Variants in IGF1 observed in about 807,000 individuals in gnomAD.
IGF1 encodes insulin like growth factor 1, also known as insulin-like growth factor 1.
Under a neutral mutation model 13.8 loss-of-function variants are expected in IGF1, and 4 were observed. The ratio of observed to expected loss-of-function variants is 0.29; its 90% CI spans 0.14 to 0.66. The LOEUF (loss-of-function observed/expected upper bound fraction) is 0.66, where lower values mean the gene tolerates loss of function less well. Ranked by LOEUF, IGF1 falls within the 30% of genes least tolerant of loss-of-function variation. IGF1 has a pLI of 0.78. For missense variants in IGF1, 124 were observed against 188.5 expected (o/e 0.66, Z 2.00); for synonymous variants, 76 against 72.6 (o/e 1.05, Z -0.23).
chr12:102,456,506 A>C (rs1879415691), intron 2 of IGF1, among the ~76,000 whole-genome samples: 1 of 152,066 alleles, frequency 6.6e-6, no homozygotes, highest in Non-Finnish European at 1.5e-5. Flanking sequence ...TTCTAATCAA[A>C]AGGGAACAAA....
chr12:102,478,402 G>T, intron 1 of IGF1: 7 of 810,698 alleles, frequency 8.6e-6, no homozygotes, highest in Middle Eastern at 2.4e-4. Flanking sequence ...TTAGATAAAT[G>T]GAATATTAAT....
intron 1 of IGF1, among the ~76,000 whole-genome samples, chr12:102,479,482 C>A (rs919481400): frequency 6.6e-6 from 1 of 152,036 alleles, no homozygotes; most frequent in African/African-American, 2.4e-5. Context: ...CAATCGGAAA[C>A]GAGAAGTCGG....
At chr12:102,439,863 GGACTAGACAA>G (rs1338912979) in intron 2 of IGF1, among the ~76,000 whole-genome samples, 1 of 152,180 alleles carries the variant, frequency 6.6e-6, no homozygotes, top group Non-Finnish European at 1.5e-5. Flanking sequence ...TCTCTTCTGA[GGACTAGACAA>G]GGGTAAACAG....
chr12:102,450,080 A>T (rs959097779), intron 2 of IGF1, among the ~76,000 whole-genome samples: 1 of 152,220 alleles, frequency 6.6e-6, no homozygotes. Flanking sequence ...GAGAAAATCC[A>T]TCCTGAGTAT....
At chr12:102,403,957 CATTAT>C (rs1450145454) in intron 3 of IGF1, among the ~76,000 whole-genome samples, 4 of 152,104 alleles carry the variant, frequency 2.6e-5, no homozygotes, top group Admixed American at 6.5e-5. Context: ...AGAACTAAGT[CATTAT>C]ATTATAATAC....
chr12:102,425,428 C>T (rs1468718951), intron 2 of IGF1, among the ~76,000 whole-genome samples: 15 of 152,282 alleles, frequency 9.9e-5, no homozygotes, highest in South Asian at 2.1e-4. Context: ...TGGCCCTCTA[C>T]GACCTGCCCC....
intron 2 of IGF1, among the ~76,000 whole-genome samples, chr12:102,471,776 C>A (rs903598232): frequency 6.6e-6 from 1 of 151,988 alleles, no homozygotes; most frequent in Non-Finnish European, 1.5e-5. Context: ...TTAAAAAGAC[C>A]CCAGAAACTC....
At chr12:102,464,445 T>A (rs1192249447) in intron 2 of IGF1, among the ~76,000 whole-genome samples, 2 of 148,178 alleles carry the variant, frequency 1.3e-5, no homozygotes, top group Admixed American at 6.8e-5. Context: ...TCAAGAAATT[T>A]TATTAAGTGC....
intron 3 of IGF1, among the ~76,000 whole-genome samples, chr12:102,403,472 T>A (rs1458483876): frequency 6.6e-6 from 1 of 151,914 alleles, no homozygotes; most frequent in Non-Finnish European, 1.5e-5. Context: ...GGTTTTTTTT[T>A]TTTGGACAGG....
intron 2 of IGF1, among the ~76,000 whole-genome samples, chr12:102,459,664 A>T (rs113600354): frequency 6.6e-6 from 1 of 151,112 alleles, no homozygotes; most frequent in Non-Finnish European, 1.5e-5. Context: ...CCGGCTAAAA[A>T]CTCCACTTGC....
chr12:102,478,795 G>T, intron 1 of IGF1: 1 of 451,742 alleles, frequency 2.2e-6, no homozygotes, highest in Non-Finnish European at 3.6e-6. Context: ...AGTGACCCAA[G>T]CTCCAGTCCA....
rs35306040 is a variant in IGF1 at position 102,400,131 on chromosome 12, C to CTTTTTTTTTTTTTTT, written c.*2375_*2376insAAAAAAAAAAAAAAA. The CTTTTTTTTTTTTTTT allele has an allele frequency of 6.9e-6, 1 of 144,916 alleles. No homozygotes were observed. The highest frequency in any genetic ancestry group is 1.5e-5 in the Non-Finnish European group (1 of 66,426). The allele number at this position is 144,916 out of a possible 1,614,324, so 9.0% of individuals were successfully genotyped here. A position where few individuals can be genotyped will look rare whatever the true frequency, so the allele number is the denominator to read the frequency against. On this transcript the variant is annotated 3_prime_UTR_variant, in exon 4 of 4. Coordinates refer to ENST00000337514, the MANE Select transcript of IGF1 (RefSeq NM_000618.5). ...GCATATATTCAGAGATCCAGGGAGT[C>CTTTTTTTTTTTTTTT]TTTTTTTTTTTTTTCCTGGCCTCTG...
chr12:102,469,152 A>G (rs1424766827), intron 2 of IGF1, among the ~76,000 whole-genome samples: 1 of 152,124 alleles, frequency 6.6e-6, no homozygotes, highest in Non-Finnish European at 1.5e-5. Context: ...TTGCATCCCA[A>G]CCACTGGCTG....
intron 2 of IGF1, among the ~76,000 whole-genome samples, chr12:102,434,268 T>G (rs1328050279): frequency 4.5e-4 from 66 of 146,476 alleles, no homozygotes; most frequent in African/African-American, 1.6e-3. Flanking sequence ...CATCTAGCAT[T>G]AGGTATATCT....
intron 1 of IGF1, among the ~76,000 whole-genome samples, chr12:102,477,632 A>G (rs930443898): frequency 3.3e-5 from 5 of 150,472 alleles, no homozygotes; most frequent in African/African-American, 1.2e-4. Context: ...ACCTCGTGGC[A>G]TTTTTCAAAA....
chr12:102,403,623 A>ATT (rs142169670), intron 3 of IGF1, among the ~76,000 whole-genome samples: 18 of 80,604 alleles, frequency 2.2e-4, no homozygotes, highest in African/African-American at 3.0e-4. Context: ...TGCCTTGACA[A>ATT]TTTTTTTTTT....
intron 2 of IGF1, among the ~76,000 whole-genome samples, chr12:102,441,955 C>CTTCTTCTTCTTCTTCTTCTTT (rs1555244164): frequency 2.1e-5 from 3 of 139,980 alleles, no homozygotes; most frequent in Admixed American, 7.4e-5. Flanking sequence ...TCTTCTTCTT[C>CTTCTTCTTCTTCTTCTTCTTT]TTTTTTTTTT....
intron 2 of IGF1, among the ~76,000 whole-genome samples, chr12:102,432,539 G>T (rs1052223189): frequency 6.6e-6 from 1 of 152,152 alleles, no homozygotes; most frequent in Admixed American, 6.5e-5. Flanking sequence ...ATTTTCTCCC[G>T]GGATTAGAAA....
In IGF1 at chr12:102,399,303, C is replaced by A. The variant is rs558420822; in HGVS notation, c.*3204G>T. ...GGGGAAGAGAGAACAGAAATTTGAC[C>A]TAAGTATCCAGTATGGTCAATTAAA... On this transcript the variant is annotated 3_prime_UTR_variant, in exon 4 of 4. Coordinates refer to ENST00000337514, the MANE Select transcript of IGF1 (RefSeq NM_000618.5). The A allele has an allele frequency of 1.2e-4, 18 of 152,516 alleles. No individual in the cohort carries two copies. Among genetic ancestry groups the A allele is most frequent in the African/African-American group, 3.4e-4 (14 of 41,512 alleles). 9.4% of individuals were successfully genotyped at this position (152,516 alleles called of 1,614,324 possible).
Sources: gnomAD v4.1 joint callset for allele counts (sites outside exome capture counted in the v4.1 genomes callset) on GRCh38, gnomAD v4.1.1 for gene constraint, MANE v1.5 for transcripts, NCBI Gene and HGNC (gene_info 2026-07-23, HGNC 2026-07-21) for gene names.